Variants in PRSS23 observed in about 807,000 individuals in gnomAD.
The protein encoded by PRSS23 is protease, serine 23.
Under a neutral mutation model 34.7 loss-of-function variants are expected in PRSS23, and 25 were observed. The ratio of observed to expected loss-of-function variants is 0.72; its 90% CI spans 0.53 to 1.01. PRSS23 has a LOEUF of 1.01. Among genes scored for constraint, PRSS23 ranks in the 50% least tolerant of loss-of-function variants. The pLI, the probability that PRSS23 is intolerant of heterozygous loss-of-function variation, is 0.00. For missense variants in PRSS23, 445 were observed against 475.6 expected (o/e 0.94, Z 0.60); for synonymous variants, 176 against 186.6 (o/e 0.94, Z 0.46).
rs546816722 is a variant in PRSS23, at chr11:86,834,473, T to G, written c.206+10880T>G. Among the ~76,000 whole-genome samples the G allele has an allele frequency of 2.0e-5, 3 of 152,252 alleles. No homozygotes were observed. In the South Asian group the frequency reaches 6.2e-4, roughly 32 times the overall value. ...GAAGCGTCCTGCCTTGCGGTTCTTT[T>G]GGCTTCAATATCTGCTTGGTGATTC... On this transcript the variant is annotated intron_variant, in intron 2 of 2. Transcript: ENST00000533902.
intron 2 of PRSS23, among the ~76,000 whole-genome samples, chr11:86,893,385 T>A (rs1458906531): frequency 1.3e-5 from 2 of 152,214 alleles, no homozygotes; most frequent in Admixed American, 6.5e-5. Flanking sequence ...TTACTGTGTG[T>A]TATGCACTAT....
chr11:86,832,897 G>T (rs1948371343), intron 2 of PRSS23: 1 of 340,988 alleles, frequency 2.9e-6, no homozygotes, highest in East Asian at 7.4e-5. Flanking sequence ...AACACGCAAG[G>T]TGTGGGAGTT....
At chr11:86,925,398 C>T (rs992907995) in intron 2 of PRSS23, among the ~76,000 whole-genome samples, 3 of 151,794 alleles carry the variant, frequency 2.0e-5, no homozygotes, top group East Asian at 1.9e-4. Context: ...GGCTGACAAG[C>T]TTTAGAAACA....
chr11:86,813,525 G>A (rs2135607699), downstream of PRSS23, among the ~76,000 whole-genome samples: 1 of 152,312 alleles, frequency 6.6e-6, no homozygotes. Context: ...AGGAGCCCTG[G>A]TGGGGCCTAA....
intron 1 of PRSS23, among the ~76,000 whole-genome samples, chr11:86,795,231 T>C (rs1203451918): frequency 1.3e-5 from 2 of 152,114 alleles, no homozygotes; most frequent in Non-Finnish European, 2.9e-5. Context: ...ATAGTAATGA[T>C]AATAATAATT....
downstream of PRSS23, among the ~76,000 whole-genome samples, chr11:86,815,397 G>C (rs1303238233): frequency 1.3e-5 from 2 of 152,216 alleles, no homozygotes; most frequent in Non-Finnish European, 2.9e-5. Context: ...CCCACAATTA[G>C]AACAGTGCCT....
intron 2 of PRSS23, among the ~76,000 whole-genome samples, chr11:86,835,593 C>T (rs1021707516): frequency 2.6e-5 from 4 of 152,172 alleles, no homozygotes; most frequent in Non-Finnish European, 5.9e-5. Context: ...TTTCGTCTTA[C>T]CTGGGAATCC....
At chr11:86,842,819 T>C (rs1370732997) in intron 2 of PRSS23, among the ~76,000 whole-genome samples, 1 of 152,116 alleles carries the variant, frequency 6.6e-6, no homozygotes, top group Non-Finnish European at 1.5e-5. Context: ...GTAGGAAGAA[T>C]CAATATTGTG....
chr11:86,831,779 AT>A lies in PRSS23; in HGVS notation c.206+8188del, dbSNP rs528451991. 1.3e-3 allele frequency among the ~76,000 whole-genome samples: 200 copies of A among 152,032 alleles called. 1 individual carries two copies. The highest frequency in any genetic ancestry group is 4.6e-3 in the African/African-American group (190 of 41,452). ...TACACCTTGTGATATTATTTCTAATATTCTAGAGAGATGTTACTCCTAGTGT... is the reference window on the plus strand; with the variant it reads ...TACACCTTGTGATATTATTTCTAATATCTAGAGAGATGTTACTCCTAGTGT... On this transcript the variant is annotated intron_variant, in intron 2 of 2. Coordinates refer to the PRSS23 transcript ENST00000533902.
chr11:86,841,225 G>A (rs1840415297), intron 2 of PRSS23, among the ~76,000 whole-genome samples: 2 of 151,718 alleles, frequency 1.3e-5, no homozygotes, highest in Non-Finnish European at 2.9e-5. Context: ...TGCAATCCCA[G>A]CTACTCAGGA....
intron 2 of PRSS23, among the ~76,000 whole-genome samples, chr11:86,895,477 CTTTTTT>C (rs71040269): frequency 3.1e-4 from 27 of 86,638 alleles, no homozygotes; most frequent in African/African-American, 1.1e-3. Context: ...TTATTTTATC[CTTTTTT>C]TTTTTTTTTT....
At chr11:86,931,838 T>TA (rs66597297) in intron 2 of PRSS23, among the ~76,000 whole-genome samples, 122 of 151,564 alleles carry the variant, frequency 8.0e-4, no homozygotes, top group African/African-American at 2.5e-3. Flanking sequence ...CAATTTTTTT[T>TA]AAAAAAAAGA....
At chr11:86,916,960 G>A (rs760763240) in intron 2 of PRSS23, among the ~76,000 whole-genome samples, 7 of 152,222 alleles carry the variant, frequency 4.6e-5, no homozygotes, top group Non-Finnish European at 7.3e-5. Context: ...CTCAGTTCAT[G>A]TCCATTGAAT....
At chr11:86,791,739 GC>G (rs1303317819) in intron 1 of PRSS23, among the ~76,000 whole-genome samples, 1 of 152,182 alleles carries the variant, frequency 6.6e-6, no homozygotes, top group Non-Finnish European at 1.5e-5. Context: ...AGTCAAAACA[GC>G]CAAACTAGCT....
intron 1 of PRSS23, among the ~76,000 whole-genome samples, chr11:86,822,420 A>G (rs1386445595): frequency 6.6e-6 from 1 of 152,138 alleles, no homozygotes; most frequent in Non-Finnish European, 1.5e-5. Context: ...CAGGAGTTTG[A>G]GACCAGCCTG....
At chr11:86,874,870 G>C (rs527526869) in intron 2 of PRSS23, among the ~76,000 whole-genome samples, 69 of 152,302 alleles carry the variant, frequency 4.5e-4, no homozygotes, top group African/African-American at 1.6e-3. Flanking sequence ...TTCTTCACTG[G>C]TATGTCTGGT....
chr11:86,841,324 A>T (rs1948445866), intron 2 of PRSS23, among the ~76,000 whole-genome samples: 1 of 124,104 alleles, frequency 8.1e-6, no homozygotes, highest in East Asian at 2.4e-4. Flanking sequence ...GGGCAACAAG[A>T]GGGAAACTCC....
chr11:86,873,451 G>T (rs1252660474), intron 2 of PRSS23, among the ~76,000 whole-genome samples: 2 of 151,586 alleles, frequency 1.3e-5, no homozygotes, highest in African/African-American at 4.9e-5. Context: ...GCTCATTTGT[G>T]TGTGTGTTTT....
intron 2 of PRSS23, among the ~76,000 whole-genome samples, chr11:86,912,603 T>C (rs1948985076): frequency 6.6e-6 from 1 of 152,210 alleles, no homozygotes; most frequent in Admixed American, 6.5e-5. Context: ...ATTGCATTTT[T>C]TGTATATGAT....
Sources: allele counts gnomAD v4.1 joint callset (sites outside exome capture counted in the v4.1 genomes callset), GRCh38; gene constraint gnomAD v4.1.1; transcripts MANE v1.5; gene names NCBI Gene and HGNC (gene_info 2026-07-23, HGNC 2026-07-21).